Variants in TNS3 observed in about 807,000 individuals in gnomAD.
TNS3 encodes tensin-3.
In TNS3, 45 loss-of-function variants were observed where a neutral mutation model predicts 140.9. The ratio of observed to expected loss-of-function variants is 0.32; its 90% CI spans 0.25 to 0.41. The LOEUF (loss-of-function observed/expected upper bound fraction) is 0.41. Ranked by LOEUF, TNS3 falls within the 10% of genes least tolerant of loss-of-function variation. TNS3 has a pLI of 1.00. For synonymous variants in TNS3, 815 were observed against 788.4 expected, an observed-to-expected ratio of 1.03 and a Z score of -0.56; for missense variants, 1,716 against 1,906.7, an observed-to-expected ratio of 0.90 and a Z score of 1.86.
At position 47,400,790 on chromosome 7, in the gene TNS3, C is replaced by T; in HGVS notation, c.848G>A (p.Ser283Asn). Reference protein sequence around the residue: ...VFGKEDLDNASKDDRFPDYGK... With the variant: ...VFGKEDLDNANKDDRFPDYGK... ...CCGCCAGCTCCGCGCCTCACCTTTG[C>T]TGGCATTGTCCAGATCCTCCTTCCC... The change falls in exon 14 of 31, where the codon AGC becomes AAC. Residue 283 changes from serine (S) to asparagine (N), a missense_variant. This residue lies in a region of TNS3 where 337 missense variants were observed against 428.9 expected (regional missense o/e 0.79). Transcript: ENST00000311160. 1 of 1,614,084 alleles carries T rather than the reference C, an allele frequency of 6.2e-7. No homozygotes were observed. Among genetic ancestry groups the T allele is most frequent in the East Asian group, 2.2e-5 (1 of 44,876 alleles).
At chr7:47,470,678 T>C (rs1353009977) in intron 4 of TNS3, 12 of 984,688 alleles carry the variant, frequency 1.2e-5, no homozygotes, top group Non-Finnish European at 1.4e-5. Flanking sequence ...CTGATGGGAA[T>C]CCAGTGTCTG....
At chr7:47,344,314 A>G (rs1272362029) in intron 20 of TNS3, among the ~76,000 whole-genome samples, 1 of 152,200 alleles carries the variant, frequency 6.6e-6, no homozygotes, top group Non-Finnish European at 1.5e-5. Flanking sequence ...ATCCAGGGAC[A>G]GTGATTAGGC....
intron 20 of TNS3, 122 bp downstream of exon 20, chr7:47,344,633 G>C: frequency 2.2e-6 from 2 of 923,354 alleles, no homozygotes; most frequent in South Asian, 1.6e-5. Flanking sequence ...CTCATCCAAG[G>C]CTTCTGAGAT....
At chr7:47,328,625 TG>T (rs937229666) in intron 20 of TNS3, among the ~76,000 whole-genome samples, 203 of 152,228 alleles carry the variant, frequency 1.3e-3, no homozygotes, top group African/African-American at 4.2e-3. Context: ...GTCAGTCCTC[TG>T]CCCCCCACCC....
intron 23 of TNS3, among the ~76,000 whole-genome samples, chr7:47,301,972 A>G (rs1786426384): frequency 6.6e-6 from 1 of 152,108 alleles, no homozygotes; most frequent in African/African-American, 2.4e-5. Context: ...TTCCTCACCA[A>G]CTCCCTCATT....
chr7:47,307,633 C>A (rs1432646865), intron 20 of TNS3, among the ~76,000 whole-genome samples: 1 of 152,194 alleles, frequency 6.6e-6, no homozygotes, highest in Non-Finnish European at 1.5e-5. Context: ...CGAATTTTAG[C>A]CATTCTAGTG....
chr7:47,405,081 C>CTT (rs762651053), intron 13 of TNS3, among the ~76,000 whole-genome samples: 5 of 152,084 alleles, frequency 3.3e-5, no homozygotes, highest in Non-Finnish European at 5.9e-5. Context: ...ACTTGCTTAA[C>CTT]TTTAGGCCAC....
intron 20 of TNS3, among the ~76,000 whole-genome samples, chr7:47,338,852 A>G (rs1435238692): frequency 6.6e-6 from 1 of 152,154 alleles, no homozygotes; most frequent in Non-Finnish European, 1.5e-5. Context: ...TTTTGGGTGT[A>G]TATCCGGTAA....
chr7:47,433,708 G>T (rs1795033291), intron 8 of TNS3, among the ~76,000 whole-genome samples: 1 of 152,218 alleles, frequency 6.6e-6, no homozygotes. Flanking sequence ...AGGTGCTGCT[G>T]CTGGGCCCAG....
chr7:47,417,251 C>G (rs1310175708), intron 10 of TNS3, among the ~76,000 whole-genome samples: 2 of 152,250 alleles, frequency 1.3e-5, no homozygotes, highest in African/African-American at 4.8e-5. Flanking sequence ...GAAACCATGG[C>G]CTCTCCCTGA....
chr7:47,574,391 T>C (rs915034632), intron 1 of TNS3, among the ~76,000 whole-genome samples: 5 of 152,098 alleles, frequency 3.3e-5, no homozygotes, highest in Non-Finnish European at 7.4e-5. Flanking sequence ...AACCTAGCCA[T>C]GTTTAAGGAC....
Position 47,529,062 on chromosome 7 carries a change from A to G in TNS3, c.-179T>C, listed in dbSNP as rs1247501371. The G allele has an allele frequency of 1.6e-6, 2 of 1,288,788 alleles. No homozygotes were observed. Among genetic ancestry groups the G allele is most frequent in the African/African-American group, 1.5e-5 (1 of 65,868 alleles). The allele number at this position is 1,288,788 out of a possible 1,614,324, so 79.8% of individuals were successfully genotyped here. On this transcript the variant is annotated 5_prime_UTR_variant, in exon 2 of 31. Transcript: ENST00000311160. The stretch of plus-strand genomic sequence containing the variant: ...TCGGCATGAAATACCTTGACCGTCA[A>G]TAATTTGTTTGCAAACTCCACACAC...
At position 47,404,378 on chromosome 7, in the gene TNS3, A is replaced by G. The variant is rs148128854; in HGVS notation, c.724-3464T>C. Among the ~76,000 whole-genome samples, 952 of 152,332 alleles carry G rather than the reference A, an allele frequency of 6.2e-3. 5 individuals carry two copies. The highest frequency in any genetic ancestry group is 0.021 in the African/African-American group (884 of 41,570). On this transcript the variant is annotated intron_variant, in intron 13 of 30. Transcript: ENST00000311160. ...GATTAAATTAGCACTACATATTAAT[A>G]TAATTCATTATCCAATAATGATATG...
intron 23 of TNS3, among the ~76,000 whole-genome samples, chr7:47,299,680 G>A (rs1187286679): frequency 6.6e-6 from 1 of 152,146 alleles, no homozygotes; most frequent in Non-Finnish European, 1.5e-5. Context: ...AGGCTGCAGG[G>A]GTGCAAGGGG....
chr7:47,453,248 CCAAGGGCCTGAGGGACAGGAACA>C (rs1202402121), intron 4 of TNS3: 15 of 985,466 alleles, frequency 1.5e-5, no homozygotes, highest in Non-Finnish European at 1.4e-5. Flanking sequence ...GGCCAGCCTG[CCAAGGGCCTGAGGGACAGGAACA>C]AGAACAGCGC....
intron 17 of TNS3, among the ~76,000 whole-genome samples, chr7:47,349,949 AAGG>A (rs1202745672): frequency 6.6e-6 from 1 of 152,198 alleles, no homozygotes; most frequent in East Asian, 1.9e-4. Context: ...TTTTGCAGAC[AAGG>A]AGAATGGAGG....
At chr7:47,310,511 C>G (rs1457858568) in intron 20 of TNS3, among the ~76,000 whole-genome samples, 1 of 151,968 alleles carries the variant, frequency 6.6e-6, no homozygotes, top group Non-Finnish European at 1.5e-5. Context: ...CTGACTTTGT[C>G]TATACTCTAA....
At chr7:47,340,466 G>A (rs1319076742) in intron 20 of TNS3, among the ~76,000 whole-genome samples, 4 of 151,794 alleles carry the variant, frequency 2.6e-5, no homozygotes, top group Non-Finnish European at 4.4e-5. Flanking sequence ...CATTGCTAGC[G>A]TACTGAAATA....
At chr7:47,381,991 T>C (rs965496325) in intron 16 of TNS3, among the ~76,000 whole-genome samples, 1 of 152,200 alleles carries the variant, frequency 6.6e-6, no homozygotes, top group Non-Finnish European at 1.5e-5. Flanking sequence ...TGTCCGAGTC[T>C]CTCCTGAGCA....
Sources: gnomAD v4.1 joint callset for allele counts (sites outside exome capture counted in the v4.1 genomes callset) on GRCh38, gnomAD v4.1.1 for gene constraint, gnomAD v4.1.1 regional missense constraint, MANE v1.5 for transcripts, NCBI Gene and HGNC (gene_info 2026-07-23, HGNC 2026-07-21) for gene names.